Variants in SDR42E2 observed in about 807,000 individuals in gnomAD.
SDR42E2 encodes putative short-chain dehydrogenase/reductase family 42E member 2.
In SDR42E2, 20 loss-of-function variants were observed where a neutral mutation model predicts 10.5. That is an observed-to-expected ratio of 1.90 (90% CI 1.34 to 2.77). SDR42E2 has a LOEUF of 2.77. Ranked by LOEUF, SDR42E2 falls within the 30% of genes most tolerant of loss-of-function variation. The pLI, the probability that SDR42E2 is intolerant of heterozygous loss-of-function variation, is 0.00. For synonymous variants in SDR42E2, 72 were observed against 39.2 expected (o/e 1.84, Z -3.12); for missense variants, 162 against 104.2 (o/e 1.55, Z -2.42).
At chr16:22,168,845 C>T (rs2046568783) in intron 4 of SDR42E2, among the ~76,000 whole-genome samples, 1 of 152,086 alleles carries the variant, frequency 6.6e-6, no homozygotes, top group Non-Finnish European at 1.5e-5. Flanking sequence ...TACACTCCAC[C>T]TTGGACAACA....
intron 7 of SDR42E2, among the ~76,000 whole-genome samples, chr16:22,175,584 A>G (rs963116455): frequency 2.0e-5 from 3 of 150,590 alleles, no homozygotes; most frequent in African/African-American, 7.4e-5. Context: ...TGGGAGACTA[A>G]GGTAGGATGA....
chr16:22,184,421 G>A (rs2046721201), intron 11 of SDR42E2, among the ~76,000 whole-genome samples, 177 bp downstream of exon 11: 1 of 152,116 alleles, frequency 6.6e-6, no homozygotes, highest in South Asian at 2.1e-4. Flanking sequence ...GGCCAACACA[G>A]TGAAACCCCA....
At chr16:22,177,012 C>T (rs1434118610) in intron 7 of SDR42E2, among the ~76,000 whole-genome samples, 1 of 152,194 alleles carries the variant, frequency 6.6e-6, no homozygotes, top group African/African-American at 2.4e-5. Flanking sequence ...GAAACCAAGG[C>T]TGAGCTGGCT....
chr16:22,172,991 G>T (rs914794218), intron 7 of SDR42E2, among the ~76,000 whole-genome samples: 3 of 152,080 alleles, frequency 2.0e-5, no homozygotes, highest in Non-Finnish European at 4.4e-5. Flanking sequence ...ATGTCATCCA[G>T]GCTGGTCTCA....
chr16:22,171,774 C>T (rs575819075), intron 6 of SDR42E2, among the ~76,000 whole-genome samples: 2 of 152,210 alleles, frequency 1.3e-5, no homozygotes, highest in Admixed American at 6.5e-5. Context: ...TCAATCAATC[C>T]TCCCTCCTGC....
At chr16:22,183,194 C>T (rs2046710331) in intron 10 of SDR42E2, among the ~76,000 whole-genome samples, 2 of 152,172 alleles carry the variant, frequency 1.3e-5, no homozygotes, top group South Asian at 4.2e-4. Context: ...GCGATCTCAG[C>T]TCACTGCAAC....
At chr16:22,188,840 A>C (rs2046752503) in intron 12 of SDR42E2, among the ~76,000 whole-genome samples, 1 of 152,162 alleles carries the variant, frequency 6.6e-6, no homozygotes. Flanking sequence ...TTTAACATAA[A>C]TGTTACCAGG....
Position 22,172,266 on chromosome 16 carries a change from A to C in SDR42E2, c.524A>C (p.His175Pro). The change falls in exon 7 of 13, where the codon CAC becomes CCC. Residue 175 changes from histidine (H) to proline (P), a missense_variant. Physicochemically the swap from His to Pro is moderately conservative, Grantham distance 77. Transcript: ENST00000602312. ...PYFPLDEHVD[H>P]YSRTKAIADQ... is the part of the protein sequence containing the mutation. ...CCTGGCCTCTGGCAGCACGTAGACC[A>C]CTACTCCCGAACCAAAGCCATCGCC... 1 of 703,072 alleles carries C rather than the reference A, an allele frequency of 1.4e-6. No homozygotes were observed. Among genetic ancestry groups the C allele is most frequent in the Non-Finnish European group, 2.6e-6 (1 of 384,990 alleles). 43.6% of individuals were successfully genotyped at this position (703,072 alleles called of 1,614,324 possible). A position where few individuals can be genotyped will look rare whatever the true frequency, so the allele number is the denominator to read the frequency against.
At chr16:22,180,466 C>T (rs771160850) in intron 8 of SDR42E2, among the ~76,000 whole-genome samples, 9 of 151,894 alleles carry the variant, frequency 5.9e-5, no homozygotes, top group Non-Finnish European at 8.8e-5. Flanking sequence ...TTTGGGAAGC[C>T]GAGGAGGGAA....
At chr16:22,173,512 G>A (rs971771610) in intron 7 of SDR42E2, among the ~76,000 whole-genome samples, 1 of 151,962 alleles carries the variant, frequency 6.6e-6, no homozygotes, top group African/African-American at 2.4e-5. Flanking sequence ...GGGAGTCTGT[G>A]AGCCACCACA....
chr16:22,190,419 G>A lies in SDR42E2; in HGVS notation c.*26G>A, dbSNP rs1385634376. 3 of 401,404 alleles carry A rather than the reference G, an allele frequency of 7.5e-6. No individual in the cohort carries two copies. The highest frequency in any genetic ancestry group is 1.1e-4 in the South Asian group (1 of 9,022). The allele number at this position is 401,404 out of a possible 1,614,324, so 24.9% of individuals were successfully genotyped here. ...CCGTCCGCCGTCCGCCGCCCGCTAG[G>A]GTCGGCCCCGCTGCACCCTCGCCCA... On this transcript the variant is annotated 3_prime_UTR_variant, in exon 13 of 13. Coordinates refer to ENST00000602312, the MANE Select transcript of SDR42E2 (RefSeq NM_001394319.2).
chr16:22,165,685 C>A, intron 2 of SDR42E2, 48 bp downstream of exon 2: 1 of 401,700 alleles, frequency 2.5e-6, no homozygotes, highest in South Asian at 1.3e-4. Flanking sequence ...GGTCTCAGGT[C>A]CAAGGTCTGG....
chr16:22,178,054 T>C, intron 7 of SDR42E2, 76 bp from the exon 8 acceptor site: 1 of 669,268 alleles, frequency 1.5e-6, no homozygotes, highest in Admixed American at 2.1e-5. Flanking sequence ...CACCAACAGA[T>C]GGAGGTGGCC....
chr16:22,170,458 A>G (rs2046588802), intron 5 of SDR42E2, among the ~76,000 whole-genome samples: 1 of 152,238 alleles, frequency 6.6e-6, no homozygotes, highest in Non-Finnish European at 1.5e-5. Context: ...GTCCTGCCTT[A>G]TCCCGTATGT....
rs538060501 is a variant in SDR42E2 at position 22,183,004 on chromosome 16, C to G, written c.876+727C>G. On this transcript the variant is annotated intron_variant, in intron 10 of 12. Coordinates refer to ENST00000602312, the MANE Select transcript of SDR42E2 (RefSeq NM_001394319.2). Reference sequence around the variant, plus strand: ...TGGGTAACAGAATAAGACCCTATCTCTAAAAATCAATTTTTTTAAAAAAAC... The same window carrying G: ...TGGGTAACAGAATAAGACCCTATCTGTAAAAATCAATTTTTTTAAAAAAAC... Among the ~76,000 whole-genome samples, 40 of 152,178 alleles carry G rather than the reference C, an allele frequency of 2.6e-4. No individual in the cohort carries two copies. In the South Asian group the frequency reaches 5.8e-3, roughly 22 times the overall value.
chr16:22,189,385 A>AAGT (rs966219254), intron 12 of SDR42E2, among the ~76,000 whole-genome samples: 8 of 152,170 alleles, frequency 5.3e-5, no homozygotes, highest in African/African-American at 1.9e-4. Flanking sequence ...GACCCCAGGC[A>AAGT]AGTCACTCAA....
chr16:22,182,050 G>T (rs576807197), intron 9 of SDR42E2, among the ~76,000 whole-genome samples, 162 bp from the exon 10 acceptor site: 1 of 152,330 alleles, frequency 6.6e-6, no homozygotes, highest in African/African-American at 2.4e-5. Context: ...GCTAGTCAGT[G>T]TGGTCGTCCT....
chr16:22,181,414 G>A, intron 8 of SDR42E2, 105 bp from the exon 9 acceptor site: 1 of 678,012 alleles, frequency 1.5e-6, no homozygotes, highest in South Asian at 1.6e-5. Flanking sequence ...GCCTGGAGCA[G>A]AGGGGCCTGA....
intron 5 of SDR42E2, among the ~76,000 whole-genome samples, chr16:22,169,829 G>A (rs967427011): frequency 6.6e-6 from 1 of 151,896 alleles, no homozygotes; most frequent in Non-Finnish European, 1.5e-5. Context: ...TCAAGAGTTC[G>A]AGACCAGCCT....
Sources: allele counts gnomAD v4.1 joint callset (sites outside exome capture counted in the v4.1 genomes callset), GRCh38; gene constraint gnomAD v4.1.1; transcripts MANE v1.5; gene names NCBI Gene and HGNC (gene_info 2026-07-23, HGNC 2026-07-21).